Variants in MARCHF5 observed in about 807,000 individuals in gnomAD.
The protein encoded by MARCHF5 is E3 ubiquitin-protein ligase MARCHF5.
Under a neutral mutation model 36.5 loss-of-function variants are expected in MARCHF5, and 5 were observed. That is an observed-to-expected ratio of 0.14 (90% CI 0.07 to 0.29). The LOEUF (loss-of-function observed/expected upper bound fraction) is 0.29. Among genes scored for constraint, MARCHF5 ranks in the 10% least tolerant of loss-of-function variants. The pLI is 1.00. For missense variants in MARCHF5, 179 were observed against 336.3 expected (o/e 0.53, Z 3.66); for synonymous variants, 103 against 109.9 (o/e 0.94, Z 0.39).
At chr10:92,307,174 TC>T (rs1235611547) in intron 1 of MARCHF5, among the ~76,000 whole-genome samples, 4 of 116,352 alleles carry the variant, frequency 3.4e-5, no homozygotes, top group East Asian at 2.5e-4. Flanking sequence ...AAAGAAAACA[TC>T]TGTGTGTGTG....
intron 2 of MARCHF5, among the ~76,000 whole-genome samples, chr10:92,329,214 G>A (rs1045072679): frequency 2.0e-5 from 3 of 152,106 alleles, no homozygotes; most frequent in African/African-American, 7.2e-5. Context: ...GAATCATTTT[G>A]TGTATTCACC....
chr10:92,304,929 A>G (rs1590647498), intron 1 of MARCHF5, among the ~76,000 whole-genome samples: 1 of 152,226 alleles, frequency 6.6e-6, no homozygotes. Flanking sequence ...TCCAAAGTCC[A>G]GGTTCTTTAA....
rs1843711156 is a variant in MARCHF5 at position 92,351,236 on chromosome 10, CTCATCCTTA to C, written c.*31_*39del. On this transcript the variant is annotated 3_prime_UTR_variant, in exon 6 of 6. Transcript: ENST00000358935. ...TGACTTCTGGTTGTTCTGCAGTTCTCTCATCCTTATGAATCTGTTGTGTTGTTTTGATTC... is the reference window on the plus strand; with the variant it reads ...TGACTTCTGGTTGTTCTGCAGTTCTCTGAATCTGTTGTGTTGTTTTGATTC... 1 of 1,338,322 alleles carries C rather than the reference CTCATCCTTA, an allele frequency of 7.5e-7. No individual in the cohort carries two copies. Among genetic ancestry groups the C allele is most frequent in the Non-Finnish European group, 1.1e-6 (1 of 933,468 alleles). The allele number at this position is 1,338,322 out of a possible 1,614,324, so 82.9% of individuals were successfully genotyped here. A position where few individuals can be genotyped will look rare whatever the true frequency, so the allele number is the denominator to read the frequency against.
At chr10:92,293,330 C>T (rs1842912831) in intron 1 of MARCHF5, among the ~76,000 whole-genome samples, 1 of 152,100 alleles carries the variant, frequency 6.6e-6, no homozygotes, top group South Asian at 2.1e-4. Context: ...GTCTCAAACT[C>T]CTGGGCTCAA....
chr10:92,338,032 TAAAG>T (rs904779277), intron 2 of MARCHF5, among the ~76,000 whole-genome samples: 5 of 149,052 alleles, frequency 3.4e-5, no homozygotes, highest in Non-Finnish European at 7.4e-5. Flanking sequence ...AAAATTTAAA[TAAAG>T]AAAATTAGCC....
chr10:92,339,058 T>A (rs145163544), intron 2 of MARCHF5, among the ~76,000 whole-genome samples: 4,225 of 138,450 alleles, frequency 0.031, 89 homozygotes, highest in African/African-American at 0.069. Context: ...AAAAAAAAAA[T>A]TAAAAATTAA....
In MARCHF5 at chr10:92,340,660, C is replaced by G; in HGVS notation, c.239-13C>G. 1 of 1,581,924 alleles carries G rather than the reference C, an allele frequency of 6.3e-7. No individual in the cohort carries two copies. Among genetic ancestry groups the G allele is most frequent in the South Asian group, 1.2e-5 (1 of 85,280 alleles). On this transcript the variant is annotated splice_polypyrimidine_tract_variant and intron_variant, in intron 2 of 5. Coordinates refer to ENST00000358935, the MANE Select transcript of MARCHF5 (RefSeq NM_017824.5). ...CCTGTGTTGAACCTTTACTTCTTTT[C>G]TGTGTGTTATAGGTCCAGTGGTTTA...
At chr10:92,342,782 C>G (rs552087243) in intron 3 of MARCHF5, among the ~76,000 whole-genome samples, 1 of 152,224 alleles carries the variant, frequency 6.6e-6, no homozygotes, top group East Asian at 1.9e-4. Context: ...AGTGAACACA[C>G]TTAGGTTTGT....
At chr10:92,315,025 G>A (rs986008896) in intron 2 of MARCHF5, among the ~76,000 whole-genome samples, 2 of 152,238 alleles carry the variant, frequency 1.3e-5, no homozygotes, top group East Asian at 1.9e-4. Context: ...TGGCTTTCAG[G>A]TGGTGGGCTC....
intron 1 of MARCHF5, among the ~76,000 whole-genome samples, chr10:92,294,643 A>T (rs561569026): frequency 5.0e-4 from 76 of 152,364 alleles, no homozygotes; most frequent in African/African-American, 7.2e-4. Context: ...TTTAGCTCAG[A>T]TAACTGTTCA....
Position 92,308,792 on chromosome 10 carries a change from C to T in MARCHF5, c.36-2343C>T, listed in dbSNP as rs539290556. On this transcript the variant is annotated intron_variant, in intron 1 of 5. Transcript: ENST00000358935. ...CGATCTTGGCTCACTGCAAGCTCCGCCTCCCGGGTTCACGCCATTCTCCTG... is the reference window on the plus strand; with the variant it reads ...CGATCTTGGCTCACTGCAAGCTCCGTCTCCCGGGTTCACGCCATTCTCCTG... Among the ~76,000 whole-genome samples the T allele has an allele frequency of 1.3e-3, 196 of 151,880 alleles. 1 individual carries two copies. Among genetic ancestry groups the T allele is most frequent in the African/African-American group, 4.7e-3 (194 of 41,406 alleles).
intron 3 of MARCHF5, among the ~76,000 whole-genome samples, chr10:92,343,252 T>C (rs964619008): frequency 6.6e-6 from 1 of 152,180 alleles, no homozygotes; most frequent in Non-Finnish European, 1.5e-5. Flanking sequence ...TGTGTACTTA[T>C]CCAAATCTAA....
chr10:92,316,661 C>T (rs1394495070), intron 2 of MARCHF5, among the ~76,000 whole-genome samples: 1 of 152,174 alleles, frequency 6.6e-6, no homozygotes, highest in Admixed American at 6.5e-5. Flanking sequence ...CTCCTGGGCT[C>T]AAGCAGTCTT....
intron 1 of MARCHF5, among the ~76,000 whole-genome samples, chr10:92,301,042 T>C (rs994623982): frequency 1.3e-5 from 2 of 152,022 alleles, no homozygotes; most frequent in Admixed American, 6.6e-5. Flanking sequence ...TGTGCCATCA[T>C]GCTCAGCTAA....
intron 1 of MARCHF5, among the ~76,000 whole-genome samples, chr10:92,293,608 T>TA (rs771787448): frequency 0.011 from 1,444 of 126,618 alleles, 14 homozygotes; most frequent in African/African-American, 0.024. Context: ...CTGTCTCTAC[T>TA]AAAAAAAAAA....
chr10:92,292,219 G>T (rs1398662871), intron 1 of MARCHF5, among the ~76,000 whole-genome samples: 1 of 151,982 alleles, frequency 6.6e-6, no homozygotes, highest in Non-Finnish European at 1.5e-5. Flanking sequence ...CCCATTCTTG[G>T]GGGGCCCCAG....
At chr10:92,336,246 A>G (rs1843500722) in intron 2 of MARCHF5, among the ~76,000 whole-genome samples, 1 of 152,200 alleles carries the variant, frequency 6.6e-6, no homozygotes, top group Non-Finnish European at 1.5e-5. Context: ...CATGTTAGCC[A>G]TGCTGGTCTC....
At chr10:92,327,300 A>G (rs1468377555) in intron 2 of MARCHF5, among the ~76,000 whole-genome samples, 2 of 147,794 alleles carry the variant, frequency 1.4e-5, no homozygotes, top group African/African-American at 2.6e-5. Flanking sequence ...GTATTCATAT[A>G]TGAAGAGCTT....
rs112402040 is a variant in MARCHF5 at position 92,320,803 on chromosome 10, A to G, written c.238+9466A>G. On this transcript the variant is annotated intron_variant, in intron 2 of 5. Transcript: ENST00000358935. ...TAAGGTTAATTTATTATTAAAAATTATAAATTCAGTGTAATAAGTGTACAA... is the reference window on the plus strand; with the variant it reads ...TAAGGTTAATTTATTATTAAAAATTGTAAATTCAGTGTAATAAGTGTACAA... Among the ~76,000 whole-genome samples, 394 of 152,218 alleles carry G rather than the reference A, an allele frequency of 2.6e-3. 2 individuals carry two copies. The highest frequency in any genetic ancestry group is 8.3e-3 in the African/African-American group (345 of 41,466).
Sources: allele counts gnomAD v4.1 joint callset (sites outside exome capture counted in the v4.1 genomes callset), GRCh38; gene constraint gnomAD v4.1.1; transcripts MANE v1.5; gene names NCBI Gene and HGNC (gene_info 2026-07-23, HGNC 2026-07-21).